Variants in SREBF2 observed in about 807,000 individuals in gnomAD.
SREBF2 encodes sterol regulatory element binding transcription factor 2.
A neutral mutation model predicts 113.1 loss-of-function variants in SREBF2; 55 were observed. The ratio of observed to expected loss-of-function variants is 0.49; its 90% CI spans 0.39 to 0.61. The LOEUF is 0.61. Ranked by LOEUF, SREBF2 falls within the 20% of genes least tolerant of loss-of-function variation. The pLI, the probability that SREBF2 is intolerant of heterozygous loss-of-function variation, is 0.00. For synonymous variants in SREBF2, 593 were observed against 605.7 expected, an observed-to-expected ratio of 0.98 and a Z score of 0.31; for missense variants, 1,349 against 1,487.4, an observed-to-expected ratio of 0.91 and a Z score of 1.53.
chr22:41,871,136 A>G, intron 4 of SREBF2, 101 bp downstream of exon 4: 1 of 1,492,550 alleles, frequency 6.7e-7, no homozygotes, highest in Non-Finnish European at 9.2e-7. Flanking sequence ...TAGGTATGGG[A>G]GGGTCTATAG....
chr22:41,847,432 C>G (rs2076886827), intron 1 of SREBF2, among the ~76,000 whole-genome samples: 1 of 152,190 alleles, frequency 6.6e-6, no homozygotes, highest in South Asian at 2.1e-4. Context: ...AGGGCAGCAG[C>G]AGGTGAAGAG....
chr22:41,834,955 A>G (rs2076755530), intron 1 of SREBF2, among the ~76,000 whole-genome samples: 1 of 152,050 alleles, frequency 6.6e-6, no homozygotes, highest in Non-Finnish European at 1.5e-5. Context: ...TATACTTGTC[A>G]TCTCCCTCTC....
intron 5 of SREBF2, among the ~76,000 whole-genome samples, chr22:41,874,225 G>T (rs913079779): frequency 6.6e-6 from 1 of 152,156 alleles, no homozygotes; most frequent in Admixed American, 6.5e-5. Context: ...ATAAGGCAGT[G>T]ACCCGCTGAG....
At chr22:41,840,181 A>C (rs1349481461) in intron 1 of SREBF2, among the ~76,000 whole-genome samples, 1 of 151,830 alleles carries the variant, frequency 6.6e-6, no homozygotes, top group Non-Finnish European at 1.5e-5. Context: ...GCTGGTCTTG[A>C]ACTCCTGTCC....
At position 41,845,232 on chromosome 22, in the gene SREBF2, G is replaced by C. The variant is rs1314228762; in HGVS notation, c.88+11874G>C. On this transcript the variant is annotated intron_variant, in intron 1 of 18. Coordinates refer to ENST00000361204, the MANE Select transcript of SREBF2 (RefSeq NM_004599.4). The stretch of plus-strand genomic sequence containing the variant: ...GTGTGAGCCACTGCGCCTGCCCATG[G>C]CTTGATTTTTATGCCCATTTTCCAT... Among the ~76,000 whole-genome samples, 8 of 152,080 alleles carry C rather than the reference G, an allele frequency of 5.3e-5. No individual in the cohort carries two copies. In the East Asian group the frequency reaches 1.5e-3, roughly 29 times the overall value.
intron 1 of SREBF2, among the ~76,000 whole-genome samples, chr22:41,866,261 AAGAG>A (rs1207384503): frequency 4.6e-5 from 7 of 152,232 alleles, no homozygotes; most frequent in Admixed American, 3.3e-4. Flanking sequence ...AATCAGGAAA[AAGAG>A]AGAGGCTGGG....
At chr22:41,871,761 G>A (rs368677681) in intron 4 of SREBF2, among the ~76,000 whole-genome samples, 1 of 151,834 alleles carries the variant, frequency 6.6e-6, no homozygotes, top group African/African-American at 2.4e-5. Context: ...GTATGGTGGT[G>A]CATGGTGCAT....
At chr22:41,892,257 G>A (rs1198857439) in intron 11 of SREBF2, among the ~76,000 whole-genome samples, 2 of 152,188 alleles carry the variant, frequency 1.3e-5, no homozygotes, top group African/African-American at 2.4e-5. Flanking sequence ...GCCATGTGCC[G>A]AGCACTGTTC....
chr22:41,891,346 T>C (rs1466466753), intron 11 of SREBF2: 2 of 152,098 alleles, frequency 1.3e-5, no homozygotes, highest in African/African-American at 4.8e-5. Flanking sequence ...TCAACACTGG[T>C]TACCAAAGAG....
At chr22:41,866,793 G>A (rs768384521) in intron 1 of SREBF2, 38 bp from the exon 2 acceptor site, 8 of 1,609,310 alleles carry the variant, frequency 5.0e-6, no homozygotes, top group Admixed American at 1.7e-5. Flanking sequence ...TTCACTTTTT[G>A]GATAGCAATA....
chr22:41,875,700 A>G lies in SREBF2; in HGVS notation c.1362A>G (p.Gly454=). The change falls in exon 7 of 19, where the codon GGA becomes GGG. Residue 454 remains glycine (G), a synonymous_variant. Coordinates refer to ENST00000361204, the MANE Select transcript of SREBF2 (RefSeq NM_004599.4). ...FSPYSIDSEP[G]SPLLDDAKVK... ...CCTACTCCATTGACTCTGAGCCAGG[A>G]AGCCCTCTATTGGATGATGCAAAGG... 1 of 1,614,190 alleles carries G rather than the reference A, an allele frequency of 6.2e-7. No homozygotes were observed. The highest frequency in any genetic ancestry group is 8.5e-7 in the Non-Finnish European group (1 of 1,180,032).
intron 1 of SREBF2, among the ~76,000 whole-genome samples, chr22:41,857,238 A>T (rs1200967898): frequency 6.6e-6 from 1 of 152,198 alleles, no homozygotes; most frequent in African/African-American, 2.4e-5. Flanking sequence ...GAGTGAACTT[A>T]AGGCAGGAGG....
At chr22:41,869,992 A>C (rs1222141344) in intron 3 of SREBF2, among the ~76,000 whole-genome samples, 1 of 151,478 alleles carries the variant, frequency 6.6e-6, no homozygotes, top group Non-Finnish European at 1.5e-5. Flanking sequence ...AGTAGCTGGG[A>C]TTCCAGGCAC....
At chr22:41,889,250 C>T (rs1404352704) in intron 11 of SREBF2, among the ~76,000 whole-genome samples, 1 of 152,158 alleles carries the variant, frequency 6.6e-6, no homozygotes, top group Non-Finnish European at 1.5e-5. Context: ...CCTCACCCTC[C>T]CGAGTAGCTG....
intron 10 of SREBF2, among the ~76,000 whole-genome samples, chr22:41,882,462 G>T (rs894711702): frequency 2.6e-5 from 4 of 152,110 alleles, no homozygotes; most frequent in African/African-American, 9.7e-5. Flanking sequence ...CTATGAGAGT[G>T]GATAGGTGAA....
intron 1 of SREBF2, among the ~76,000 whole-genome samples, chr22:41,856,433 ATTTTCT>A: frequency 6.6e-6 from 1 of 152,186 alleles, no homozygotes; most frequent in Non-Finnish European, 1.5e-5. Flanking sequence ...CTGGCCAATA[ATTTTCT>A]TTAACAAAAT....
chr22:41,900,540 A>G (rs754129438), intron 16 of SREBF2, 42 bp downstream of exon 16: 1 of 1,599,446 alleles, frequency 6.3e-7, no homozygotes, highest in Admixed American at 1.7e-5. Context: ...GGTGCTCTGC[A>G]CTGGTTTACG....
At chr22:41,840,793 G>A (rs948450781) in intron 1 of SREBF2, among the ~76,000 whole-genome samples, 1 of 152,124 alleles carries the variant, frequency 6.6e-6, no homozygotes, top group African/African-American at 2.4e-5. Flanking sequence ...ATGTGACTGG[G>A]CCGACAGTCA....
Position 41,900,492 on chromosome 22 carries a change from C to T in SREBF2, c.2901C>T (p.Leu967=). 2 of 1,613,048 alleles carry T rather than the reference C, an allele frequency of 1.2e-6. No homozygotes were observed. The highest frequency in any genetic ancestry group is 8.5e-7 in the Non-Finnish European group (1 of 1,179,588). Residue 967 remains leucine (L), a synonymous_variant, in exon 16 of 19, where the codon CTC becomes CTT. Coordinates refer to ENST00000361204, the MANE Select transcript of SREBF2 (RefSeq NM_004599.4). ...NVSGATSDPA[L]NHVVQLLTCD... Reference sequence around the variant, plus strand: ...GTGGGGCCACCTCTGACCCTGCCCTCAACCACGTGAGTGGGAGCTGAGTTG... The same window carrying T: ...GTGGGGCCACCTCTGACCCTGCCCTTAACCACGTGAGTGGGAGCTGAGTTG...
Sources: allele counts gnomAD v4.1 joint callset (sites outside exome capture counted in the v4.1 genomes callset), GRCh38; gene constraint gnomAD v4.1.1; transcripts MANE v1.5; gene names NCBI Gene and HGNC (gene_info 2026-07-23, HGNC 2026-07-21).